ZBTB16: variants seen among roughly 807,000 people sequenced by gnomAD.
ZBTB16 encodes the protein zinc finger and BTB domain containing 16.
ZBTB16 carries 8 observed loss-of-function variants against 56.8 expected under a neutral mutation model. The observed-to-expected ratio is 0.14, with a 90% CI of 0.08 to 0.25. The LOEUF (loss-of-function observed/expected upper bound fraction) is 0.25. Among genes scored for constraint, ZBTB16 ranks in the 10% least tolerant of loss-of-function variants. The probability of loss-of-function intolerance (pLI) is 1.00; values close to 1 mark genes in which losing one functional copy is unlikely to be tolerated. For missense variants in ZBTB16, 625 were observed against 903.0 expected (o/e 0.69, Z 3.95); for synonymous variants, 363 against 368.5 (o/e 0.98, Z 0.17).
At position 114,135,197 on chromosome 11, in the gene ZBTB16, G is replaced by T. The variant is rs546920147; in HGVS notation, c.1269-21140G>T. Among the ~76,000 whole-genome samples the T allele has an allele frequency of 1.4e-4, 22 of 152,302 alleles. No individual in the cohort carries two copies. In the South Asian group the frequency reaches 3.7e-3, roughly 26 times the overall value. The stretch of plus-strand genomic sequence containing the variant: ...GCCTGGGGTATTAGGAAGGTGACTT[G>T]TGAGTCCCTCCGTGGGACACTCCAC... On this transcript the variant is annotated intron_variant, in intron 2 of 6. Transcript: ENST00000335953.
intron 2 of ZBTB16, among the ~76,000 whole-genome samples, chr11:114,078,698 G>T (rs1466584088): frequency 2.6e-5 from 4 of 152,092 alleles, no homozygotes; most frequent in Non-Finnish European, 5.9e-5. Flanking sequence ...CAGGAATTGA[G>T]GGGGAGGGGG....
chr11:114,223,493 G>T (rs1360162485), intron 4 of ZBTB16, among the ~76,000 whole-genome samples: 1 of 152,064 alleles, frequency 6.6e-6, no homozygotes, highest in African/African-American at 2.4e-5. Context: ...ATTATGACTT[G>T]CCTGGAGCTC....
At chr11:114,101,441 T>C (rs1262102213) in intron 2 of ZBTB16, among the ~76,000 whole-genome samples, 2 of 152,222 alleles carry the variant, frequency 1.3e-5, no homozygotes, top group African/African-American at 2.4e-5. Context: ...CATAGAAGTA[T>C]GTTTTTCCAA....
intron 3 of ZBTB16, among the ~76,000 whole-genome samples, chr11:114,182,082 A>C (rs890038980): frequency 2.0e-5 from 3 of 151,786 alleles, no homozygotes; most frequent in African/African-American, 7.3e-5. Context: ...ACAGGGTTTC[A>C]CTCCTGTTTC....
At chr11:114,093,833 A>C (rs963231893) in intron 2 of ZBTB16, among the ~76,000 whole-genome samples, 3 of 152,222 alleles carry the variant, frequency 2.0e-5, no homozygotes, top group Non-Finnish European at 4.4e-5. Context: ...TTTCTAAAAA[A>C]GGCATCACAC....
rs560519896 is a variant in ZBTB16 at position 114,171,915 on chromosome 11, C to T, written c.1367-15037C>T. 6.0e-4 allele frequency among the ~76,000 whole-genome samples: 92 copies of T among 152,370 alleles called. 1 individual carries two copies. The highest frequency in any genetic ancestry group is 9.4e-4 in the Non-Finnish European group (64 of 68,040). ...CTAGGAAAGTTAATGAGGCGTTCCG[C>T]CTCTGCCTGCTGAAGAGCAGGACGT... is the stretch of plus-strand genomic sequence containing the variant. On this transcript the variant is annotated intron_variant, in intron 3 of 6. Transcript: ENST00000335953.
chr11:114,153,910 T>G (rs1446650714), intron 2 of ZBTB16, among the ~76,000 whole-genome samples: 8 of 152,164 alleles, frequency 5.3e-5, no homozygotes, highest in Admixed American at 5.2e-4. Flanking sequence ...CCGAGTCAGG[T>G]GGGAGGATGC....
At chr11:114,065,433 G>A (rs1369247940) in intron 2 of ZBTB16, among the ~76,000 whole-genome samples, 1 of 148,712 alleles carries the variant, frequency 6.7e-6, no homozygotes, top group Non-Finnish European at 1.5e-5. Flanking sequence ...TTTTTTTTTT[G>A]GATGTGAAGT....
intron 2 of ZBTB16, among the ~76,000 whole-genome samples, chr11:114,082,114 T>TCAAA (rs150038900): frequency 1.5e-5 from 2 of 130,152 alleles, no homozygotes; most frequent in African/African-American, 6.0e-5. Flanking sequence ...AGACGATCTT[T>TCAAA]ACAAAAAAAA....
chr11:114,154,268 G>C (rs1942348980), intron 2 of ZBTB16, among the ~76,000 whole-genome samples: 1 of 152,098 alleles, frequency 6.6e-6, no homozygotes, highest in African/African-American at 2.4e-5. Flanking sequence ...TATTCCTCTT[G>C]ACAGCCACCC....
intron 2 of ZBTB16, among the ~76,000 whole-genome samples, chr11:114,071,557 G>A (rs925423042): frequency 3.9e-5 from 6 of 152,086 alleles, no homozygotes; most frequent in African/African-American, 1.4e-4. Context: ...TCTATTCACA[G>A]CTCTTTGATT....
At chr11:114,186,865 G>A in intron 3 of ZBTB16, 87 bp from the exon 4 acceptor site, 1 of 1,320,818 alleles carries the variant, frequency 7.6e-7, no homozygotes, top group Non-Finnish European at 1.1e-6. Flanking sequence ...CCCTTCCCTA[G>A]TGTCTACCTG....
At chr11:114,182,721 A>G (rs2135048241) in intron 3 of ZBTB16, among the ~76,000 whole-genome samples, 1 of 152,238 alleles carries the variant, frequency 6.6e-6, no homozygotes, top group South Asian at 2.1e-4. Flanking sequence ...CCTCCCATTG[A>G]TGCTTTATAA....
At chr11:114,184,866 G>A (rs745378527) in intron 3 of ZBTB16, among the ~76,000 whole-genome samples, 1 of 152,070 alleles carries the variant, frequency 6.6e-6, no homozygotes, top group Non-Finnish European at 1.5e-5. Flanking sequence ...TAAAACACAG[G>A]CATATTTAAA....
At chr11:114,136,946 T>A (rs767906156) in intron 2 of ZBTB16, among the ~76,000 whole-genome samples, 1 of 152,164 alleles carries the variant, frequency 6.6e-6, no homozygotes, top group Non-Finnish European at 1.5e-5. Flanking sequence ...CTCACCAAGA[T>A]CACCACAATG....
At chr11:114,131,889 G>A (rs969600286) in intron 2 of ZBTB16, among the ~76,000 whole-genome samples, 1 of 152,086 alleles carries the variant, frequency 6.6e-6, no homozygotes, top group African/African-American at 2.4e-5. Context: ...TATGTATCTT[G>A]GGGAAAATGG....
chr11:114,092,581 T>C (rs1196555696), intron 2 of ZBTB16, among the ~76,000 whole-genome samples: 1 of 152,238 alleles, frequency 6.6e-6, no homozygotes, highest in African/African-American at 2.4e-5. Context: ...GGGACAGCAA[T>C]AGACTTCTGT....
chr11:114,160,335 G>C (rs538821696), intron 3 of ZBTB16, among the ~76,000 whole-genome samples: 7 of 152,146 alleles, frequency 4.6e-5, no homozygotes, highest in Non-Finnish European at 8.8e-5. Context: ...AGAATAGGCC[G>C]CATTGAATTC....
At chr11:114,188,241 C>T (rs977679941) in intron 4 of ZBTB16, 2 of 152,110 alleles carry the variant, frequency 1.3e-5, no homozygotes, top group East Asian at 1.9e-4. Flanking sequence ...CTCTCAGTAA[C>T]CCTGTAAGGT....
Sources: allele counts gnomAD v4.1 joint callset (sites outside exome capture counted in the v4.1 genomes callset), GRCh38; gene constraint gnomAD v4.1.1; transcripts MANE v1.5; gene names NCBI Gene and HGNC (gene_info 2026-07-23, HGNC 2026-07-21).